TBCEL: variants seen among roughly 807,000 people sequenced by gnomAD.
The protein encoded by TBCEL is tubulin-specific chaperone cofactor E-like protein.
Under a neutral mutation model 44.2 loss-of-function variants are expected in TBCEL, and 15 were observed. That is an observed-to-expected ratio of 0.34 (90% CI 0.23 to 0.52). The LOEUF is 0.52. TBCEL is among the 20% of genes least tolerant of loss of function. The probability of loss-of-function intolerance (pLI) is 0.95; values close to 1 mark genes in which losing one functional copy is unlikely to be tolerated. For synonymous variants in TBCEL, 171 were observed against 185.4 expected (o/e 0.92, Z 0.63); for missense variants, 319 against 506.3 (o/e 0.63, Z 3.55).
chr11:121,063,204 C>T (rs1945756713), intron 8 of TBCEL, among the ~76,000 whole-genome samples: 1 of 152,108 alleles, frequency 6.6e-6, no homozygotes, highest in South Asian at 2.1e-4. Context: ...TCCATTTTAG[C>T]TTCTGCAGGT....
intron 6 of TBCEL, among the ~76,000 whole-genome samples, chr11:121,055,807 G>A (rs2134950425): frequency 6.6e-6 from 1 of 151,738 alleles, no homozygotes; most frequent in East Asian, 1.9e-4. Flanking sequence ...TTTTAGAACA[G>A]TTTAAGGTTT....
At chr11:121,040,858 C>T (rs1945318930) in intron 2 of TBCEL, among the ~76,000 whole-genome samples, 1 of 152,148 alleles carries the variant, frequency 6.6e-6, no homozygotes, top group African/African-American at 2.4e-5. Flanking sequence ...AATCTTTCCA[C>T]TCGTATTCCT....
intron 5 of TBCEL, among the ~76,000 whole-genome samples, chr11:121,054,180 T>C (rs1405807327): frequency 1.3e-5 from 2 of 151,968 alleles, no homozygotes; most frequent in Non-Finnish European, 2.9e-5. Context: ...AAAGAAATTT[T>C]ATTTTTGTCA....
chr11:121,027,805 T>A (rs1263072349), intron 1 of TBCEL, among the ~76,000 whole-genome samples: 2 of 152,172 alleles, frequency 1.3e-5, no homozygotes, highest in Admixed American at 1.3e-4. Context: ...AAATGCGTGG[T>A]GAACAGGAGG....
chr11:121,045,594 C>A, intron 2 of TBCEL, 80 bp from the exon 3 acceptor site: 1 of 1,201,730 alleles, frequency 8.3e-7, no homozygotes, highest in Non-Finnish European at 1.2e-6. Context: ...GTACTTTATA[C>A]ATAATGGGTT....
At position 121,055,316 on chromosome 11, in the gene TBCEL, T is replaced by A; in HGVS notation, c.712+8T>A. The stretch of plus-strand genomic sequence containing the variant: ...TCAGCCTCCACAAGTCAGGTGAGGT[T>A]CAGGCTTGTTCTTATTCTACATGCA... On this transcript the variant is annotated splice_region_variant and intron_variant, in intron 6 of 8. Coordinates refer to ENST00000683345, the MANE Select transcript of TBCEL (RefSeq NM_001363644.2). The A allele has an allele frequency of 1.9e-6, 3 of 1,585,136 alleles. No homozygotes were observed. Among genetic ancestry groups the A allele is most frequent in the African/African-American group, 1.4e-5 (1 of 74,042 alleles).
At chr11:121,039,927 A>G (rs1261514457) in intron 2 of TBCEL, among the ~76,000 whole-genome samples, 1 of 152,238 alleles carries the variant, frequency 6.6e-6, no homozygotes, top group African/African-American at 2.4e-5. Context: ...TTCGTTGTAC[A>G]AATGGGTCCT....
chr11:121,058,192 C>T (rs1945656589), intron 6 of TBCEL, among the ~76,000 whole-genome samples, 153 bp from the exon 7 acceptor site: 1 of 151,818 alleles, frequency 6.6e-6, no homozygotes, highest in African/African-American at 2.4e-5. Context: ...CTGTGTTCTG[C>T]TCTTGCCTTG....
intron 2 of TBCEL, among the ~76,000 whole-genome samples, chr11:121,037,437 T>A (rs1447081071): frequency 6.6e-6 from 1 of 152,168 alleles, no homozygotes; most frequent in Non-Finnish European, 1.5e-5. Context: ...TATAGATACT[T>A]CAGGATAAAT....
At chr11:121,045,871 G>C in intron 3 of TBCEL, 48 bp downstream of exon 3, 1 of 1,485,108 alleles carries the variant, frequency 6.7e-7, no homozygotes, top group Non-Finnish European at 9.0e-7. Context: ...GCTTACTTAG[G>C]ATGTTAAATC....
intron 3 of TBCEL, among the ~76,000 whole-genome samples, chr11:121,046,653 CA>C (rs760651310): frequency 3.6e-4 from 55 of 151,854 alleles, no homozygotes; most frequent in Non-Finnish European, 7.7e-4. Context: ...AGTTGAAAAC[CA>C]TGTAATTTGA....
chr11:121,059,992 A>AT lies in TBCEL; in HGVS notation c.864dup (p.Gly289TrpfsTer6). 1 of 1,610,826 alleles carries AT rather than the reference A, an allele frequency of 6.2e-7. No homozygotes were observed. The highest frequency in any genetic ancestry group is 8.5e-7 in the Non-Finnish European group (1 of 1,178,126). On this transcript the variant is annotated frameshift_variant, in exon 8 of 9. Transcript: ENST00000683345. LOFTEE classifies it high-confidence loss of function. ...AGATTGCCATCAGTTTCCAAACTTA[A>AT]TGGCAGCGTTGTTACTGATGGTGAA...
chr11:121,039,487 T>A (rs927012688), intron 2 of TBCEL, among the ~76,000 whole-genome samples: 1 of 152,240 alleles, frequency 6.6e-6, no homozygotes, highest in Admixed American at 6.5e-5. Flanking sequence ...CTTAGCATAG[T>A]GTTTGGCGTA....
chr11:121,083,127 G>A (rs573302082), intron 8 of TBCEL, among the ~76,000 whole-genome samples: 3 of 152,342 alleles, frequency 2.0e-5, no homozygotes, highest in African/African-American at 7.2e-5. Context: ...CTACCAGGAG[G>A]AGGTTGAAAC....
At chr11:121,035,090 C>T (rs375520724) in intron 1 of TBCEL, among the ~76,000 whole-genome samples, 4 of 152,274 alleles carry the variant, frequency 2.6e-5, no homozygotes, top group East Asian at 1.9e-4. Context: ...CTCTACATTC[C>T]GTTCACGCTG....
chr11:121,042,142 A>G (rs1446417559), intron 2 of TBCEL, among the ~76,000 whole-genome samples: 1 of 152,180 alleles, frequency 6.6e-6, no homozygotes, highest in Non-Finnish European at 1.5e-5. Flanking sequence ...GGCTCCAGAC[A>G]AAAGGTGCTG....
chr11:121,025,908 G>A (rs1945038635), intron 1 of TBCEL, among the ~76,000 whole-genome samples: 1 of 150,712 alleles, frequency 6.6e-6, no homozygotes, highest in Non-Finnish European at 1.5e-5. Flanking sequence ...GTATGCGTGT[G>A]TGTTTTAGTT....
intron 1 of TBCEL, among the ~76,000 whole-genome samples, chr11:121,025,495 G>A (rs1945029841): frequency 6.6e-6 from 1 of 151,852 alleles, no homozygotes; most frequent in Non-Finnish European, 1.5e-5. Context: ...CTTTCACAAA[G>A]CAGTATTTAC....
intron 3 of TBCEL, among the ~76,000 whole-genome samples, chr11:121,047,252 G>T (rs1258075699): frequency 3.3e-5 from 5 of 151,960 alleles, no homozygotes; most frequent in African/African-American, 1.2e-4. Context: ...GGGCTCTGTT[G>T]TTGGTAATTG....
Sources: allele counts gnomAD v4.1 joint callset (sites outside exome capture counted in the v4.1 genomes callset), GRCh38; gene constraint gnomAD v4.1.1; transcripts MANE v1.5; gene names NCBI Gene and HGNC (gene_info 2026-07-23, HGNC 2026-07-21).